STPG2: variants seen among roughly 807,000 people sequenced by gnomAD.
STPG2 encodes sperm tail PG-rich repeat containing 2.
STPG2 carries 56 observed loss-of-function variants against 54.2 expected under a neutral mutation model. That is an observed-to-expected ratio of 1.03 (90% CI 0.83 to 1.29). STPG2 has a LOEUF of 1.29. Among genes scored for constraint, STPG2 ranks in the 50% most tolerant of loss-of-function variants. STPG2 has a pLI of 0.00. For missense variants in STPG2, 596 were observed against 544.9 expected (o/e 1.09, Z -0.93); for synonymous variants, 200 against 181.8 (o/e 1.10, Z -0.81).
intron 4 of STPG2, among the ~76,000 whole-genome samples, chr4:97,527,950 GTCTATTCACTC>G (rs2148851143): frequency 6.6e-6 from 1 of 152,184 alleles, no homozygotes; most frequent in Admixed American, 6.5e-5. Context: ...TCTTTAGGTT[GTCTATTCACTC>G]TGATGCTAGT....
chr4:97,892,155 G>A (rs1373408479), intron 8 of STPG2, among the ~76,000 whole-genome samples: 2 of 152,080 alleles, frequency 1.3e-5, no homozygotes, highest in South Asian at 2.1e-4. Context: ...ATGGGTTTTA[G>A]AATCAGACAA....
intron 4 of STPG2, among the ~76,000 whole-genome samples, chr4:97,454,429 C>T (rs1055674527): frequency 1.4e-5 from 2 of 140,408 alleles, no homozygotes; most frequent in South Asian, 2.4e-4. Flanking sequence ...AGGAGAATGG[C>T]GTGAACCCGG....
chr4:97,652,427 C>G (rs1414369349), intron 10 of STPG2, among the ~76,000 whole-genome samples: 1 of 151,110 alleles, frequency 6.6e-6, no homozygotes, highest in Non-Finnish European at 1.5e-5. Flanking sequence ...CCTCAAGATT[C>G]AAAAAATAAA....
At chr4:97,851,699 C>G (rs1038167727) in intron 8 of STPG2, among the ~76,000 whole-genome samples, 3 of 152,118 alleles carry the variant, frequency 2.0e-5, no homozygotes, top group African/African-American at 7.2e-5. Context: ...AAAATCATTA[C>G]AGAGTGTCTC....
intron 8 of STPG2, among the ~76,000 whole-genome samples, chr4:97,885,749 T>C (rs1392692712): frequency 1.3e-5 from 2 of 152,130 alleles, no homozygotes; most frequent in African/African-American, 2.4e-5. Flanking sequence ...GTTGTGGGAA[T>C]TGTGTATCCA....
intron 10 of STPG2, among the ~76,000 whole-genome samples, chr4:97,565,876 G>A (rs185606961): frequency 1.6e-3 from 241 of 151,904 alleles, no homozygotes; most frequent in African/African-American, 5.7e-3. Context: ...GCTGCTCAGA[G>A]GTCAGGGATC....
chr4:97,972,844 T>TGCTGCCATGTGAAAGGCC (rs1460641598), intron 6 of STPG2, among the ~76,000 whole-genome samples: 4 of 152,244 alleles, frequency 2.6e-5, no homozygotes, highest in Non-Finnish European at 4.4e-5. Context: ...TTCTCTTGTC[T>TGCTGCCATGTGAAAGGCC]GCTGCCATGT....
At chr4:97,893,781 T>C (rs1223885782) in intron 8 of STPG2, among the ~76,000 whole-genome samples, 1 of 151,966 alleles carries the variant, frequency 6.6e-6, no homozygotes, top group African/African-American at 2.4e-5. Context: ...TAACAGAAGA[T>C]TCAGAGGTTC....
rs78223916 is a variant in STPG2, at chr4:97,533,254, C to G, written c.462+179445G>C. Among the ~76,000 whole-genome samples, 1,234 of 151,998 alleles carry G rather than the reference C, an allele frequency of 8.1e-3. 9 individuals carry two copies. Among genetic ancestry groups the G allele is most frequent in the Non-Finnish European group, 0.013 (916 of 67,994 alleles). On this transcript the variant is annotated intron_variant, in intron 4 of 4. Coordinates refer to the STPG2 transcript ENST00000522676. Reference sequence around the variant, plus strand: ...GTCAAAAAAGCACATGTTAGGGACTCAAAATACTATTCAGAGAAAAAATAA... The same window carrying G: ...GTCAAAAAAGCACATGTTAGGGACTGAAAATACTATTCAGAGAAAAAATAA...
chr4:97,469,326 CT>C (rs1288594284), intron 4 of STPG2, among the ~76,000 whole-genome samples: 1 of 152,020 alleles, frequency 6.6e-6, no homozygotes, highest in Non-Finnish European at 1.5e-5. Flanking sequence ...TCATTCTCTA[CT>C]TTTTTTGGAA....
intron 7 of STPG2, among the ~76,000 whole-genome samples, chr4:97,966,622 A>G (rs1245705906): frequency 2.6e-5 from 4 of 152,206 alleles, no homozygotes; most frequent in African/African-American, 9.6e-5. Context: ...GCAGCCAGAG[A>G]GAAAGGTCGG....
chr4:97,943,663 C>T (rs559079590), intron 8 of STPG2, among the ~76,000 whole-genome samples: 1 of 152,160 alleles, frequency 6.6e-6, no homozygotes, highest in Non-Finnish European at 1.5e-5. Context: ...AATGAATGTT[C>T]TCTGACCCTA....
chr4:98,055,198 A>C (rs527668356), intron 5 of STPG2, among the ~76,000 whole-genome samples: 1 of 152,150 alleles, frequency 6.6e-6, no homozygotes, highest in Non-Finnish European at 1.5e-5. Flanking sequence ...TGCAACAAGA[A>C]AATGTGGAAT....
chr4:97,749,423 C>T (rs1433314298), intron 9 of STPG2, among the ~76,000 whole-genome samples: 1 of 151,498 alleles, frequency 6.6e-6, no homozygotes, highest in Admixed American at 6.6e-5. Flanking sequence ...AAGAAAAATA[C>T]GTATGCCAAA....
chr4:97,630,227 C>T (rs1487544243), intron 10 of STPG2, among the ~76,000 whole-genome samples: 4 of 151,694 alleles, frequency 2.6e-5, no homozygotes, highest in African/African-American at 7.3e-5. Flanking sequence ...GATGAAAGTC[C>T]AAGGGCTCTA....
intron 10 of STPG2, among the ~76,000 whole-genome samples, chr4:97,691,849 A>G (rs1180874066): frequency 6.6e-6 from 1 of 152,086 alleles, no homozygotes; most frequent in East Asian, 1.9e-4. Flanking sequence ...GACAGACGTG[A>G]AGACGAATCA....
chr4:97,979,731 T>C (rs1167289125), intron 6 of STPG2, among the ~76,000 whole-genome samples: 1 of 150,698 alleles, frequency 6.6e-6, no homozygotes, highest in East Asian at 1.9e-4. Context: ...ACAATTTCTT[T>C]TTTTTTTTTT....
chr4:98,126,645 C>A (rs1009973131), intron 3 of STPG2, among the ~76,000 whole-genome samples: 8 of 152,202 alleles, frequency 5.3e-5, no homozygotes, highest in Admixed American at 4.6e-4. Context: ...TTGCCATTTT[C>A]ATTCTTCTCA....
chr4:97,888,326 G>A (rs1730654413), intron 8 of STPG2, among the ~76,000 whole-genome samples: 2 of 152,208 alleles, frequency 1.3e-5, no homozygotes, highest in South Asian at 4.1e-4. Flanking sequence ...CAGCCCTTGA[G>A]AGCAGCCATG....
Sources: allele counts gnomAD v4.1 joint callset (sites outside exome capture counted in the v4.1 genomes callset), GRCh38; gene constraint gnomAD v4.1.1; transcripts MANE v1.5; gene names NCBI Gene and HGNC (gene_info 2026-07-23, HGNC 2026-07-21).